Variants in LRMDA observed in about 807,000 individuals in gnomAD.
LRMDA encodes leucine-rich melanocyte differentiation-associated protein.
Under a neutral mutation model 29.8 loss-of-function variants are expected in LRMDA, and 18 were observed. The observed-to-expected ratio is 0.60, with a 90% CI of 0.42 to 0.90. LRMDA has a LOEUF of 0.90. Ranked by LOEUF, LRMDA falls within the 40% of genes least tolerant of loss-of-function variation. LRMDA has a pLI of 0.00. For missense variants in LRMDA, 273 were observed against 273.9 expected (o/e 1.00, Z 0.02); for synonymous variants, 125 against 109.4 (o/e 1.14, Z -0.89).
intron 2 of LRMDA, among the ~76,000 whole-genome samples, chr10:75,504,274 G>C (rs967280335): frequency 6.6e-6 from 1 of 152,142 alleles, no homozygotes; most frequent in Admixed American, 6.5e-5. Flanking sequence ...GGTTATAGGC[G>C]TGAGCCACGG....
intron 6 of LRMDA, among the ~76,000 whole-genome samples, chr10:76,460,347 A>G (rs74687350): frequency 0.018 from 2,740 of 152,294 alleles, 86 homozygotes; most frequent in African/African-American, 0.061. Context: ...AGGGCTCTAA[A>G]AATTTGTATT....
intron 2 of LRMDA, among the ~76,000 whole-genome samples, chr10:75,572,188 A>G (rs1331116053): frequency 6.6e-6 from 1 of 152,128 alleles, no homozygotes; most frequent in Non-Finnish European, 1.5e-5. Flanking sequence ...TCTTGACCTC[A>G]TGATCCACCT....
chr10:76,495,289 T>C (rs1842871280), intron 6 of LRMDA, among the ~76,000 whole-genome samples: 1 of 151,932 alleles, frequency 6.6e-6, no homozygotes, highest in African/African-American at 2.4e-5. Context: ...TTCCATTGAA[T>C]TGTTTGTTCC....
chr10:75,863,924 C>T (rs187891406), intron 2 of LRMDA, among the ~76,000 whole-genome samples: 3 of 152,146 alleles, frequency 2.0e-5, no homozygotes, highest in Non-Finnish European at 4.4e-5. Flanking sequence ...AAATTTTGGG[C>T]CTGCCATTAG....
At chr10:76,351,588 G>A (rs1178492606) in intron 6 of LRMDA, among the ~76,000 whole-genome samples, 1 of 151,828 alleles carries the variant, frequency 6.6e-6, no homozygotes, top group Non-Finnish European at 1.5e-5. Flanking sequence ...GATTTGCTCA[G>A]TAATGAACAC....
chr10:76,232,562 G>A (rs986946811), intron 5 of LRMDA, among the ~76,000 whole-genome samples: 5 of 152,184 alleles, frequency 3.3e-5, no homozygotes, highest in Admixed American at 1.3e-4. Flanking sequence ...CTTGGTCACC[G>A]TGCAAGCTGG....
At chr10:76,368,375 G>A (rs1391975617) in intron 6 of LRMDA, among the ~76,000 whole-genome samples, 1 of 152,074 alleles carries the variant, frequency 6.6e-6, no homozygotes, top group Non-Finnish European at 1.5e-5. Context: ...TCATTCAGGA[G>A]CAGGTTATTT....
intron 6 of LRMDA, among the ~76,000 whole-genome samples, chr10:76,451,285 T>C (rs1024354764): frequency 6.6e-6 from 1 of 151,784 alleles, no homozygotes; most frequent in Non-Finnish European, 1.5e-5. Context: ...CACTGCAAGC[T>C]CTGCCTCCCA....
At chr10:76,002,087 C>G (rs113346831) in intron 2 of LRMDA, among the ~76,000 whole-genome samples, 1 of 152,168 alleles carries the variant, frequency 6.6e-6, no homozygotes, top group Non-Finnish European at 1.5e-5. Flanking sequence ...AGTCCAAGAT[C>G]AAGAGCCAGC....
intron 6 of LRMDA, among the ~76,000 whole-genome samples, chr10:76,327,376 C>T (rs757114422): frequency 6.6e-6 from 1 of 152,140 alleles, no homozygotes; most frequent in Non-Finnish European, 1.5e-5. Flanking sequence ...CAGGTGTGAG[C>T]CACCACGCCC....
intron 6 of LRMDA, among the ~76,000 whole-genome samples, chr10:76,455,588 A>G: frequency 6.6e-6 from 1 of 152,212 alleles, no homozygotes; most frequent in East Asian, 1.9e-4. Flanking sequence ...AAAGCAGGCC[A>G]AAAGGTCTGT....
intron 6 of LRMDA, among the ~76,000 whole-genome samples, chr10:76,423,874 C>T (rs1418264110): frequency 6.6e-6 from 1 of 152,054 alleles, no homozygotes; most frequent in African/African-American, 2.4e-5. Flanking sequence ...ATATGAGGCC[C>T]CAAGGGGTGA....
intron 2 of LRMDA, among the ~76,000 whole-genome samples, chr10:75,985,368 A>G (rs1469296700): frequency 1.3e-5 from 2 of 152,196 alleles, no homozygotes; most frequent in African/African-American, 2.4e-5. Context: ...TGAGGAGTGG[A>G]TAAGACTCCA....
intron 5 of LRMDA, among the ~76,000 whole-genome samples, chr10:76,146,803 T>G (rs1348817955): frequency 1.3e-5 from 2 of 152,244 alleles, no homozygotes; most frequent in Non-Finnish European, 2.9e-5. Flanking sequence ...CAATTTGGCA[T>G]GTTTTTGCAG....
intron 6 of LRMDA, among the ~76,000 whole-genome samples, chr10:76,428,030 A>T (rs1471416277): frequency 1.3e-5 from 2 of 152,104 alleles, no homozygotes; most frequent in Non-Finnish European, 2.9e-5. Flanking sequence ...GGATTTTTGC[A>T]TCAATGTTCA....
chr10:75,461,534 C>G (rs1002562146), intron 2 of LRMDA, among the ~76,000 whole-genome samples: 9 of 152,132 alleles, frequency 5.9e-5, no homozygotes, highest in Admixed American at 5.2e-4. Context: ...TGTCCTGAAT[C>G]CCATCACCCC....
intron 2 of LRMDA, chr10:75,552,425 TC>T (rs56910833): frequency 0.063 from 15,110 of 238,432 alleles, 187 homozygotes; most frequent in South Asian, 0.1. Context: ...TTTTTTTTTT[TC>T]CCCCCCCTCT....
intron 6 of LRMDA, among the ~76,000 whole-genome samples, chr10:76,383,709 C>T (rs879421834): frequency 3.3e-5 from 5 of 152,070 alleles, no homozygotes; most frequent in East Asian, 3.9e-4. Flanking sequence ...GGATTACAGG[C>T]GTGAGCCACC....
At chr10:76,283,412 A>G (rs941182196) in intron 5 of LRMDA, among the ~76,000 whole-genome samples, 2 of 152,168 alleles carry the variant, frequency 1.3e-5, no homozygotes, top group Admixed American at 1.3e-4. Context: ...AGCATGAAGG[A>G]GCATGAATGA....
Sources: allele counts gnomAD v4.1 joint callset (sites outside exome capture counted in the v4.1 genomes callset), GRCh38; gene constraint gnomAD v4.1.1; transcripts MANE v1.5; gene names NCBI Gene and HGNC (gene_info 2026-07-23, HGNC 2026-07-21).